UBXN2A: variants seen among roughly 807,000 people sequenced by gnomAD.
UBXN2A encodes UBX domain protein 2A.
In UBXN2A, 28 loss-of-function variants were observed where a neutral mutation model predicts 28.4. The ratio of observed to expected loss-of-function variants is 0.99; its 90% confidence interval spans 0.73 to 1.35. UBXN2A has a LOEUF of 1.35. Among genes scored for constraint, UBXN2A ranks in the 40% most tolerant of loss-of-function variants. The probability of loss-of-function intolerance (pLI) is 0.00; values close to 1 mark genes in which losing one functional copy is unlikely to be tolerated. For synonymous variants in UBXN2A, 97 were observed against 103.6 expected, an observed-to-expected ratio of 0.94 and a Z score of 0.39; for missense variants, 253 against 297.9, an observed-to-expected ratio of 0.85 and a Z score of 1.11.
At chr2:23,978,599 A>G (rs895800420) in intron 4 of UBXN2A, among the ~76,000 whole-genome samples, 2 of 151,848 alleles carry the variant, frequency 1.3e-5, no homozygotes, top group Non-Finnish European at 2.9e-5. Context: ...AGCCAGGATC[A>G]CGCCACTGCA....
chr2:23,948,945 C>CTTTTT (rs777506305), intron 1 of UBXN2A, among the ~76,000 whole-genome samples: 4 of 131,788 alleles, frequency 3.0e-5, no homozygotes, highest in Non-Finnish European at 6.5e-5. Flanking sequence ...TCTCTTGTAG[C>CTTTTT]TTTTTTTTTT....
chr2:23,982,313 G>C (rs568612161), intron 4 of UBXN2A, among the ~76,000 whole-genome samples: 55 of 151,946 alleles, frequency 3.6e-4, no homozygotes, highest in Admixed American at 3.5e-3. Context: ...CTTGCAGTGG[G>C]CCGAGATCGT....
chr2:23,979,632 G>A (rs1227300161), intron 4 of UBXN2A, among the ~76,000 whole-genome samples: 3 of 152,058 alleles, frequency 2.0e-5, no homozygotes, highest in Non-Finnish European at 2.9e-5. Context: ...GCAGTGGCAC[G>A]ATCATAGTTC....
intron 6 of UBXN2A, among the ~76,000 whole-genome samples, chr2:23,995,461 G>GC (rs1558309584): frequency 6.6e-6 from 1 of 152,054 alleles, no homozygotes; most frequent in East Asian, 1.9e-4. Flanking sequence ...GGAGGCTGAG[G>GC]CGGGCGGATC....
At position 23,997,438 on chromosome 2, in the gene UBXN2A, C is replaced by CTTTA. The variant is rs1385719098; in HGVS notation, c.585-2222_585-2219dup. Reference sequence around the variant, plus strand: ...TTTAAGAATGTCAACAGTCTAAAGCCTTTATTTATTTATTTTTATTTATTT... The same window carrying CTTTA: ...TTTAAGAATGTCAACAGTCTAAAGCCTTTATTTATTTATTTATTTTTATTTATTT... On this transcript the variant is annotated intron_variant, in intron 6 of 6. Coordinates refer to ENST00000309033, the MANE Select transcript of UBXN2A (RefSeq NM_181713.4). Among the ~76,000 whole-genome samples the CTTTA allele has an allele frequency of 1.1e-4, 16 of 152,090 alleles. No individual in the cohort carries two copies. In the South Asian group the frequency reaches 2.7e-3, roughly 26 times the overall value.
At chr2:23,990,745 G>T (rs1708323264) in intron 6 of UBXN2A, among the ~76,000 whole-genome samples, 1 of 150,842 alleles carries the variant, frequency 6.6e-6, no homozygotes, top group African/African-American at 2.4e-5. Context: ...CTGCACTCCA[G>T]CCTGGGTGAC....
At chr2:23,963,252 C>T (rs544842080) in intron 2 of UBXN2A, among the ~76,000 whole-genome samples, 2 of 152,110 alleles carry the variant, frequency 1.3e-5, no homozygotes, top group African/African-American at 4.8e-5. Context: ...CGCAGTGGCT[C>T]ACACCCATAA....
Position 24,002,889 on chromosome 2 carries a change from AAAG to A in UBXN2A, c.*3026_*3028del, listed in dbSNP as rs1468313065. On this transcript the variant is annotated 3_prime_UTR_variant, in exon 7 of 7. Transcript: ENST00000309033. The stretch of plus-strand genomic sequence containing the variant: ...CCTCTGTATACTGGTGAAAGAATGA[AAAG>A]AAGCAAATAATGCCTTAGTATGATT... 3 of 152,210 alleles carry A rather than the reference AAAG, an allele frequency of 2.0e-5. No individual in the cohort carries two copies. Among genetic ancestry groups the A allele is most frequent in the African/African-American group, 7.2e-5 (3 of 41,450 alleles). 9.4% of individuals were successfully genotyped at this position (152,210 alleles called of 1,614,324 possible).
In UBXN2A at chr2:24,002,069, G is replaced by T. The variant is rs1265918218; in HGVS notation, c.*2202G>T. On this transcript the variant is annotated 3_prime_UTR_variant, in exon 7 of 7. Transcript: ENST00000309033. ...AGACAGGTGGATCACTTGAGCCCAG[G>T]AGTTTGAGACCAGCCTGGGCAACAA... 6.6e-6 allele frequency: 1 copy of T among 152,190 alleles called. No homozygotes were observed. Among genetic ancestry groups the T allele is most frequent in the African/African-American group, 2.4e-5 (1 of 41,432 alleles). 9.4% of individuals were successfully genotyped at this position (152,190 alleles called of 1,614,324 possible). A position where few individuals can be genotyped will look rare whatever the true frequency, so the allele number is the denominator to read the frequency against.
chr2:23,946,928 C>A (rs1706115803), intron 1 of UBXN2A, among the ~76,000 whole-genome samples: 1 of 148,962 alleles, frequency 6.7e-6, no homozygotes, highest in Admixed American at 6.7e-5. Flanking sequence ...CTCACTCTTA[C>A]CCAGGCTGAA....
At position 23,932,335 on chromosome 2, in the gene UBXN2A, A is replaced by G. The variant is rs1195625713; in HGVS notation, c.-138+4720A>G. Among the ~76,000 whole-genome samples, 3 of 150,288 alleles carry G rather than the reference A, an allele frequency of 2.0e-5. No homozygotes were observed. In the Admixed American group the frequency reaches 2.0e-4, roughly 10 times the overall value. Reference sequence around the variant, plus strand: ...TTTTCCCCCTCCGTCTTGGGGGAAAAAAAAAAAAAGAAATGCAAAAGACAG... The same window carrying G: ...TTTTCCCCCTCCGTCTTGGGGGAAAGAAAAAAAAAGAAATGCAAAAGACAG... On this transcript the variant is annotated intron_variant, in intron 1 of 7. Transcript: ENST00000404924.
At chr2:23,952,897 A>G (rs1331427125) in intron 1 of UBXN2A, among the ~76,000 whole-genome samples, 1 of 151,696 alleles carries the variant, frequency 6.6e-6, no homozygotes, top group Non-Finnish European at 1.5e-5. Context: ...TAATTTTAAA[A>G]TTGTGAAAAA....
chr2:23,979,446 A>T (rs1002074119), intron 4 of UBXN2A, among the ~76,000 whole-genome samples: 1 of 152,176 alleles, frequency 6.6e-6, no homozygotes, highest in Admixed American at 6.6e-5. Context: ...CTGTCCATAG[A>T]TGCATATATA....
At chr2:23,947,636 A>T (rs1029235392) in intron 1 of UBXN2A, among the ~76,000 whole-genome samples, 7 of 152,172 alleles carry the variant, frequency 4.6e-5, no homozygotes, top group Admixed American at 3.3e-4. Context: ...GACTGCGGTA[A>T]TGGTGACTTT....
chr2:23,994,246 T>G (rs1196649445), intron 6 of UBXN2A, among the ~76,000 whole-genome samples: 1 of 152,204 alleles, frequency 6.6e-6, no homozygotes, highest in Non-Finnish European at 1.5e-5. Context: ...TGTTCTTAGA[T>G]TTTAATAGCT....
In UBXN2A at chr2:24,000,501, A is replaced by T. The variant is rs1708699099; in HGVS notation, c.*634A>T. On this transcript the variant is annotated 3_prime_UTR_variant, in exon 7 of 7. Coordinates refer to ENST00000309033, the MANE Select transcript of UBXN2A (RefSeq NM_181713.4). ...AGGTTGCAGTGAGCTGAGATTGAGCAACTGTACTCCAGCTTGGCGACAGAG... is the reference window on the plus strand; with the variant it reads ...AGGTTGCAGTGAGCTGAGATTGAGCTACTGTACTCCAGCTTGGCGACAGAG... 6.6e-6 allele frequency: 1 copy of T among 152,194 alleles called. No individual in the cohort carries two copies. Among genetic ancestry groups the T allele is most frequent in the African/African-American group, 2.4e-5 (1 of 41,444 alleles). The allele number at this position is 152,194 out of a possible 1,614,324, so 9.4% of individuals were successfully genotyped here. A position where few individuals can be genotyped will look rare whatever the true frequency, so the allele number is the denominator to read the frequency against.
chr2:23,941,405 A>G (rs1013279231), intron 1 of UBXN2A, among the ~76,000 whole-genome samples: 2 of 152,184 alleles, frequency 1.3e-5, no homozygotes, highest in Admixed American at 6.6e-5. Context: ...TTAAAAGGCA[A>G]TTAAATTCAG....
intron 2 of UBXN2A, among the ~76,000 whole-genome samples, chr2:23,961,539 C>CTTTTTTTTTT (rs71395167): frequency 3.9e-5 from 2 of 51,282 alleles, no homozygotes; most frequent in Admixed American, 3.6e-4. Context: ...AGAAAACTGC[C>CTTTTTTTTTT]TTTTTTTTTT....
chr2:23,954,220 T>C (rs1237732646), intron 1 of UBXN2A, among the ~76,000 whole-genome samples: 1 of 152,208 alleles, frequency 6.6e-6, no homozygotes, highest in Non-Finnish European at 1.5e-5. Flanking sequence ...CTTTCTGTCT[T>C]TATCAATCAC....
Sources: allele counts gnomAD v4.1 joint callset (sites outside exome capture counted in the v4.1 genomes callset), GRCh38; gene constraint gnomAD v4.1.1; transcripts MANE v1.5; gene names NCBI Gene and HGNC (gene_info 2026-07-23, HGNC 2026-07-21).